RAPGEF2: variants seen among roughly 807,000 people sequenced by gnomAD.
RAPGEF2 encodes the protein Rap guanine nucleotide exchange factor 2, also known as PDZ domain containing guanine nucleotide exchange factor (GEF) 1.
In RAPGEF2, 54 loss-of-function variants were observed where a neutral mutation model predicts 186.7. That is an observed-to-expected ratio of 0.29 (90% CI 0.23 to 0.36). The LOEUF (loss-of-function observed/expected upper bound fraction) is 0.36. Ranked by LOEUF, RAPGEF2 falls within the 10% of genes least tolerant of loss-of-function variation. The probability of loss-of-function intolerance (pLI) is 1.00; values close to 1 mark genes in which losing one functional copy is unlikely to be tolerated. For synonymous variants in RAPGEF2, 712 were observed against 705.9 expected (o/e 1.01, Z -0.14); for missense variants, 1,532 against 2,045.0 (o/e 0.75, Z 4.84).
chr4:159,332,717 T>C lies in RAPGEF2; in HGVS notation c.2135+20T>C. 6.2e-7 allele frequency: 1 copy of C among 1,607,340 alleles called. No individual in the cohort carries two copies. Among genetic ancestry groups the C allele is most frequent in the Non-Finnish European group, 8.5e-7 (1 of 1,176,458 alleles). On this transcript the variant is annotated intron_variant, in intron 17 of 29. Transcript: ENST00000691494. The stretch of plus-strand genomic sequence containing the variant: ...ATACAAGTAAGCATCTGCATATGTC[T>C]TCTGTGCATTATTTTATTTTGTTAA...
At chr4:159,223,137 T>G (rs1751696839) in intron 4 of RAPGEF2, among the ~76,000 whole-genome samples, 1 of 152,166 alleles carries the variant, frequency 6.6e-6, no homozygotes, top group Non-Finnish European at 1.5e-5. Context: ...GGATCTGCAG[T>G]TATTTTTTAT....
chr4:159,174,756 C>CTTTTTTT (rs1554004795), intron 1 of RAPGEF2, among the ~76,000 whole-genome samples: 1 of 112,548 alleles, frequency 8.9e-6, no homozygotes, highest in Non-Finnish European at 1.8e-5. Flanking sequence ...TCTTTTCTTT[C>CTTTTTTT]TTTCTTTTTT....
chr4:159,336,675 G>A (rs1463730368), intron 17 of RAPGEF2, among the ~76,000 whole-genome samples: 1 of 150,516 alleles, frequency 6.6e-6, no homozygotes, highest in East Asian at 2.0e-4. Context: ...ATTGTCTCTA[G>A]TTTTAATTTT....
chr4:159,117,387 T>C (rs1739156190), intron 1 of RAPGEF2, among the ~76,000 whole-genome samples: 1 of 152,162 alleles, frequency 6.6e-6, no homozygotes, highest in Admixed American at 6.5e-5. Context: ...TTTATTCCCA[T>C]ATGTGGACCT....
intron 1 of RAPGEF2, among the ~76,000 whole-genome samples, chr4:159,170,050 CTT>C (rs972100070): frequency 2.7e-5 from 4 of 149,532 alleles, no homozygotes; most frequent in South Asian, 2.1e-4. Flanking sequence ...GAGAATTTCT[CTT>C]TTCTTCACAT....
chr4:159,241,362 T>C lies in RAPGEF2; in HGVS notation c.519T>C (p.Tyr173=), dbSNP rs921397703. ...PMGKPPLPRG[Y]HTECTKSQLP... ...GCAAACCTCCTTTGCCTAGAGGCTA[T>C]CACACGGTAAGTTATACAAGTATAA... The change falls in exon 6 of 30, where the codon TAT becomes TAC. Residue 173 remains tyrosine (Y), a synonymous_variant. Coordinates refer to ENST00000691494, the MANE Select transcript of RAPGEF2 (RefSeq NM_001394067.2). The C allele has an allele frequency of 2.6e-5, 38 of 1,472,518 alleles. No homozygotes were observed. In the African/African-American group the frequency reaches 4.9e-4, roughly 19 times the overall value. The allele number at this position is 1,472,518 out of a possible 1,614,324, so 91.2% of individuals were successfully genotyped here. A position where few individuals can be genotyped will look rare whatever the true frequency, so the allele number is the denominator to read the frequency against.
At chr4:159,348,812 A>G (rs893227006) in intron 25 of RAPGEF2, among the ~76,000 whole-genome samples, 1 of 152,212 alleles carries the variant, frequency 6.6e-6, no homozygotes, top group Non-Finnish European at 1.5e-5. Context: ...AATGTGGATG[A>G]AATATTATAT....
chr4:159,112,622 CAGG>C (rs1372455472), intron 1 of RAPGEF2, among the ~76,000 whole-genome samples: 2 of 151,938 alleles, frequency 1.3e-5, no homozygotes, highest in East Asian at 1.9e-4. Context: ...TAAATAAAAG[CAGG>C]AGAAGAGACA....
In RAPGEF2 at chr4:159,210,510, A is replaced by C; in HGVS notation, c.208A>C (p.Ile70Leu). 6.5e-7 allele frequency: 1 copy of C among 1,533,260 alleles called. No individual in the cohort carries two copies. The highest frequency in any genetic ancestry group is 8.7e-7 in the Non-Finnish European group (1 of 1,144,514). The allele number at this position is 1,533,260 out of a possible 1,614,324, so 95.0% of individuals were successfully genotyped here. A position where few individuals can be genotyped will look rare whatever the true frequency, so the allele number is the denominator to read the frequency against. The change falls in exon 4 of 30, where the codon ATT (isoleucine) becomes CTT (leucine). Residue 70 changes from isoleucine to leucine, a missense_variant. Coordinates refer to ENST00000691494, the MANE Select transcript of RAPGEF2 (RefSeq NM_001394067.2). ...ANEVLYYPDD[I>L]GTCWYILLSG... is the part of the protein sequence containing the mutation. The stretch of plus-strand genomic sequence containing the variant: ...ACCTTTTCTTTTCAGCCCTGATGAT[A>C]TTGGGACCTGCTGGTATATCCTTCT...
intron 4 of RAPGEF2, among the ~76,000 whole-genome samples, chr4:159,230,864 C>T (rs1752555397): frequency 6.6e-6 from 1 of 151,940 alleles, no homozygotes; most frequent in African/African-American, 2.4e-5. Context: ...AGAAGAGGGA[C>T]TATATTTAGT....
intron 4 of RAPGEF2, among the ~76,000 whole-genome samples, chr4:159,233,727 G>GT (rs2111446500): frequency 1.3e-5 from 2 of 151,986 alleles, no homozygotes; most frequent in East Asian, 3.9e-4. Context: ...AAGAACTTAT[G>GT]TAACCAAGTG....
intron 26 of RAPGEF2, chr4:159,351,261 A>G (rs1731136185): frequency 1.4e-6 from 2 of 1,410,042 alleles, no homozygotes; most frequent in African/African-American, 2.9e-5. Context: ...GAATTCCTCC[A>G]AATGTCAAGT....
At position 159,238,800 on chromosome 4, in the gene RAPGEF2, T is replaced by G. The variant is rs1227687757; in HGVS notation, c.282-9T>G. ...TCTCCTCATTGATTTTTTTTTTCTT[T>G]CTTTCTAGTTTTGGCAAGCGTTCTG... On this transcript the variant is annotated splice_polypyrimidine_tract_variant and intron_variant, in intron 4 of 29. Coordinates refer to ENST00000691494, the MANE Select transcript of RAPGEF2 (RefSeq NM_001394067.2). The G allele has an allele frequency of 7.9e-6, 12 of 1,515,914 alleles. No individual in the cohort carries two copies. Among genetic ancestry groups the G allele is most frequent in the Non-Finnish European group, 1.1e-5 (12 of 1,140,622 alleles). The allele number at this position is 1,515,914 out of a possible 1,614,324, so 93.9% of individuals were successfully genotyped here. A position where few individuals can be genotyped will look rare whatever the true frequency, so the allele number is the denominator to read the frequency against.
intron 7 of RAPGEF2, among the ~76,000 whole-genome samples, chr4:159,281,223 C>G (rs1161060905): frequency 1.3e-5 from 2 of 152,026 alleles, no homozygotes; most frequent in Non-Finnish European, 2.9e-5. Context: ...CTCTTTTGAC[C>G]TCATGATCTG....
At chr4:159,317,990 C>T (rs1764798130) in intron 9 of RAPGEF2, among the ~76,000 whole-genome samples, 1 of 151,900 alleles carries the variant, frequency 6.6e-6, no homozygotes, top group South Asian at 2.1e-4. Context: ...CTGAGAAACC[C>T]TCTTTCCCAG....
intron 1 of RAPGEF2, among the ~76,000 whole-genome samples, chr4:159,149,689 C>G (rs1398629686): frequency 6.6e-6 from 1 of 152,128 alleles, no homozygotes; most frequent in African/African-American, 2.4e-5. Context: ...ATGTATTTCC[C>G]TAAATAGGTT....
intron 1 of RAPGEF2, among the ~76,000 whole-genome samples, chr4:159,162,054 A>G (rs1196610084): frequency 2.0e-5 from 3 of 152,060 alleles, no homozygotes; most frequent in African/African-American, 7.2e-5. Flanking sequence ...GTTCATTTAT[A>G]TGTTGTCTCT....
At chr4:159,149,224 G>C (rs181002706) in intron 1 of RAPGEF2, among the ~76,000 whole-genome samples, 16 of 152,252 alleles carry the variant, frequency 1.1e-4, no homozygotes, top group Admixed American at 2.0e-4. Flanking sequence ...ATTGCTTTTT[G>C]TGGACACAGA....
intron 1 of RAPGEF2, among the ~76,000 whole-genome samples, chr4:159,154,907 G>GT (rs1331384095): frequency 6.6e-6 from 1 of 152,104 alleles, no homozygotes; most frequent in Non-Finnish European, 1.5e-5. Context: ...GTGTACCATA[G>GT]ATATGATTGT....
Sources: gnomAD v4.1 joint callset for allele counts (sites outside exome capture counted in the v4.1 genomes callset) on GRCh38, gnomAD v4.1.1 for gene constraint, MANE v1.5 for transcripts, NCBI Gene and HGNC (gene_info 2026-07-23, HGNC 2026-07-21) for gene names.